The following ACSM3 variants were observed in gnomAD, a reference collection of about 807,000 sequenced individuals.
ACSM3 encodes the protein acyl-CoA synthetase medium chain family member 3, also known as acyl-coenzyme A synthetase ACSM3, mitochondrial.
A neutral mutation model predicts 74.1 loss-of-function variants in ACSM3; 61 were observed. The observed-to-expected ratio is 0.82, with a 90% CI of 0.67 to 1.02. The LOEUF (loss-of-function observed/expected upper bound fraction) is 1.02. Among genes scored for constraint, ACSM3 ranks in the 50% least tolerant of loss-of-function variants. The pLI, the probability that ACSM3 is intolerant of heterozygous loss-of-function variation, is 0.00. For missense variants in ACSM3, 660 were observed against 697.0 expected (o/e 0.95, Z 0.60); for synonymous variants, 213 against 241.5 (o/e 0.88, Z 1.09).
At chr16:20,698,301 C>T (rs2079701560) in intron 1 of ACSM3, among the ~76,000 whole-genome samples, 1 of 151,978 alleles carries the variant, frequency 6.6e-6, no homozygotes, top group African/African-American at 2.4e-5. Flanking sequence ...TTCACTAGTT[C>T]TCTGTGGCTA....
At chr16:20,706,353 T>C (rs1166894624) in intron 1 of ACSM3, among the ~76,000 whole-genome samples, 4 of 152,106 alleles carry the variant, frequency 2.6e-5, no homozygotes, top group Admixed American at 2.0e-4. Context: ...TGTGGGACAA[T>C]TGTTCAAATT....
intron 1 of ACSM3, chr16:20,721,090 G>A (rs189152966): frequency 1.3e-5 from 2 of 152,258 alleles, no homozygotes; most frequent in African/African-American, 4.8e-5. Flanking sequence ...CAATGTGTTT[G>A]CAGCTTTGAT....
chr16:20,702,459 A>G (rs1025135162), intron 1 of ACSM3, among the ~76,000 whole-genome samples: 2 of 152,176 alleles, frequency 1.3e-5, no homozygotes, highest in African/African-American at 4.8e-5. Flanking sequence ...TGATCTGCCC[A>G]TCTTGGCCTC....
chr16:20,692,438 A>T (rs1426726344), intron 1 of ACSM3, among the ~76,000 whole-genome samples: 2 of 152,174 alleles, frequency 1.3e-5, no homozygotes, highest in African/African-American at 2.4e-5. Context: ...TTATTTGAAG[A>T]CCTGGGATTA....
At chr16:20,679,571 T>C (rs1319752221) in intron 1 of ACSM3, 2 of 152,218 alleles carry the variant, frequency 1.3e-5, no homozygotes, top group Non-Finnish European at 2.9e-5. Context: ...AGTGTAAGCA[T>C]GTTTCTATTA....
chr16:20,731,140 A>C (rs1337389601), intron 1 of ACSM3, among the ~76,000 whole-genome samples: 2 of 152,178 alleles, frequency 1.3e-5, no homozygotes, highest in Non-Finnish European at 2.9e-5. Context: ...TTGTGGGATT[A>C]TAGGTGTAAG....
intron 2 of ACSM3, among the ~76,000 whole-genome samples, chr16:20,774,415 G>A (rs890418226): frequency 6.6e-6 from 1 of 152,010 alleles, no homozygotes; most frequent in African/African-American, 2.4e-5. Context: ...GCTAATGTTT[G>A]TATTTTTTAT....
At chr16:20,736,394 A>AC (rs1415538394) in intron 1 of ACSM3, 1 of 152,836 alleles carries the variant, frequency 6.5e-6, no homozygotes, top group Non-Finnish European at 1.5e-5. Flanking sequence ...AAAAAAAAAA[A>AC]AACAGACATA....
intron 1 of ACSM3, among the ~76,000 whole-genome samples, chr16:20,730,406 T>C (rs1328431194): frequency 2.0e-5 from 3 of 152,176 alleles, no homozygotes; most frequent in African/African-American, 7.2e-5. Context: ...GCAATGACAA[T>C]AATAGTCTTA....
chr16:20,778,361 C>A (rs2080281721), intron 4 of ACSM3, among the ~76,000 whole-genome samples: 2 of 152,170 alleles, frequency 1.3e-5, no homozygotes, highest in African/African-American at 4.8e-5. Context: ...GATTTGGGAG[C>A]ATGCTTGCAA....
At chr16:20,748,343 A>G (rs1040176070) in intron 1 of ACSM3, among the ~76,000 whole-genome samples, 2 of 152,152 alleles carry the variant, frequency 1.3e-5, no homozygotes, top group African/African-American at 4.8e-5. Flanking sequence ...CAATGTATAG[A>G]TGAACAAAGA....
At chr16:20,737,768 C>A in intron 1 of ACSM3, 1 of 1,613,804 alleles carries the variant, frequency 6.2e-7, no homozygotes, top group Non-Finnish European at 8.5e-7. Context: ...GATTTGTACA[C>A]AATCTGAAAT....
chr16:20,682,503 T>G, intron 1 of ACSM3: 1 of 1,552,498 alleles, frequency 6.4e-7, no homozygotes. Flanking sequence ...GGTTTCTTTT[T>G]CACAACCATG....
chr16:20,741,358 T>C, intron 1 of ACSM3: 1 of 961,050 alleles, frequency 1.0e-6, no homozygotes, highest in Non-Finnish European at 1.5e-6. Context: ...GTCTCAGGAC[T>C]AGGGACGGAA....
At chr16:20,689,422 A>G (rs1385086875) in intron 1 of ACSM3, among the ~76,000 whole-genome samples, 1 of 152,116 alleles carries the variant, frequency 6.6e-6, no homozygotes, top group African/African-American at 2.4e-5. Context: ...CATCAAGAAA[A>G]CAATTACCAA....
At chr16:20,771,592 T>C (rs530128330) in intron 2 of ACSM3, among the ~76,000 whole-genome samples, 2 of 152,290 alleles carry the variant, frequency 1.3e-5, no homozygotes, top group Non-Finnish European at 2.9e-5. Context: ...CTGAATAGTA[T>C]TGCACTGTGT....
intron 1 of ACSM3, among the ~76,000 whole-genome samples, chr16:20,685,918 T>G (rs1422106755): frequency 6.7e-6 from 1 of 149,736 alleles, no homozygotes; most frequent in African/African-American, 2.4e-5. Flanking sequence ...CCACCCTGCC[T>G]CAAGCCACAT....
chr16:20,749,384 C>G (rs1202303819), intron 1 of ACSM3: 1 of 152,168 alleles, frequency 6.6e-6, no homozygotes, highest in South Asian at 2.1e-4. Flanking sequence ...TCTACTGGCT[C>G]TGCTACCTCT....
At chr16:20,733,003 G>C (rs1051075992) in intron 1 of ACSM3, 2 of 154,748 alleles carry the variant, frequency 1.3e-5, no homozygotes, top group African/African-American at 4.8e-5. Context: ...TGATAAAAAA[G>C]CTGAAGGGTT....
Sources: allele counts gnomAD v4.1 joint callset (sites outside exome capture counted in the v4.1 genomes callset), GRCh38; gene constraint gnomAD v4.1.1; transcripts MANE v1.5; gene names NCBI Gene and HGNC (gene_info 2026-07-23, HGNC 2026-07-21).